MGAT4C: variants seen among roughly 807,000 people sequenced by gnomAD.
MGAT4C encodes MGAT4 family member C.
Under a neutral mutation model 40.1 loss-of-function variants are expected in MGAT4C, and 19 were observed. The ratio of observed to expected loss-of-function variants is 0.47; its 90% CI spans 0.33 to 0.70. The LOEUF (loss-of-function observed/expected upper bound fraction) is 0.70, where lower values mean the gene tolerates loss of function less well. MGAT4C is among the 30% of genes least tolerant of loss of function. The pLI is 0.02. For synonymous variants in MGAT4C, 181 were observed against 187.1 expected (o/e 0.97, Z 0.27); for missense variants, 491 against 563.2 (o/e 0.87, Z 1.30).
intron 1 of MGAT4C, among the ~76,000 whole-genome samples, chr12:86,764,790 C>T (rs1228689304): frequency 1.3e-5 from 2 of 152,178 alleles, no homozygotes; most frequent in African/African-American, 4.8e-5. Context: ...CTCCAACAGA[C>T]ATGCAGCTGA....
intron 4 of MGAT4C, among the ~76,000 whole-genome samples, chr12:86,289,961 G>A (rs540318107): frequency 2.4e-4 from 37 of 152,162 alleles, no homozygotes; most frequent in Admixed American, 2.4e-3. Context: ...TAGCATCCAT[G>A]CTTTCTTTTT....
rs545903184 is a variant in MGAT4C, at chr12:86,130,214, A to G, written c.-56-80491T>C. 7.2e-5 allele frequency among the ~76,000 whole-genome samples: 11 copies of G among 152,332 alleles called. No individual in the cohort carries two copies. The South Asian group carries it at 2.1e-3, about 29-fold the overall frequency. On this transcript the variant is annotated intron_variant, in intron 1 of 4. Coordinates refer to ENST00000611864, the MANE Select transcript of MGAT4C (RefSeq NM_001351288.2). Reference sequence around the variant, plus strand: ...AATATAAACATTTAAATTTAGTCTTATAAAAGATGCATTTCTTTGACAATG... The same window carrying G: ...AATATAAACATTTAAATTTAGTCTTGTAAAAGATGCATTTCTTTGACAATG...
intron 2 of MGAT4C, among the ~76,000 whole-genome samples, chr12:86,026,901 A>T (rs1171936540): frequency 6.6e-6 from 1 of 151,966 alleles, no homozygotes; most frequent in East Asian, 1.9e-4. Flanking sequence ...TAAAGTAGCA[A>T]CAGTGAAGCA....
chr12:86,191,509 C>T (rs966620603), intron 1 of MGAT4C, among the ~76,000 whole-genome samples: 1 of 151,520 alleles, frequency 6.6e-6, no homozygotes, highest in African/African-American at 2.4e-5. Flanking sequence ...TAGCTGATTG[C>T]TCCTAATTGT....
chr12:86,212,026 ACCT>A (rs1026732632), intron 1 of MGAT4C, among the ~76,000 whole-genome samples: 45 of 152,186 alleles, frequency 3.0e-4, no homozygotes, highest in African/African-American at 9.4e-4. Context: ...ATCTTATGCT[ACCT>A]CCTAACGTTT....
intron 1 of MGAT4C, among the ~76,000 whole-genome samples, chr12:86,059,509 T>C (rs1293836271): frequency 6.6e-6 from 1 of 152,228 alleles, no homozygotes. Flanking sequence ...TTTCTGCTGG[T>C]TGGAAACTGA....
intron 2 of MGAT4C, among the ~76,000 whole-genome samples, chr12:86,551,923 C>T (rs1592978296): frequency 6.6e-6 from 1 of 151,690 alleles, no homozygotes; most frequent in African/African-American, 2.4e-5. Context: ...ACACCAAGCT[C>T]CACCTATACA....
chr12:86,179,140 C>G (rs935679530), intron 1 of MGAT4C, among the ~76,000 whole-genome samples: 3 of 152,132 alleles, frequency 2.0e-5, no homozygotes, highest in African/African-American at 7.2e-5. Context: ...TTGTGCTATT[C>G]TAGTGATACT....
chr12:86,725,042 T>A (rs911917415), intron 2 of MGAT4C, among the ~76,000 whole-genome samples: 35 of 152,344 alleles, frequency 2.3e-4, no homozygotes, highest in Non-Finnish European at 1.3e-4. Flanking sequence ...ATAATCAGCA[T>A]CACCTGAATT....
chr12:86,410,228 C>A (rs188495441), intron 3 of MGAT4C, among the ~76,000 whole-genome samples: 1 of 152,138 alleles, frequency 6.6e-6, no homozygotes, highest in East Asian at 1.9e-4. Flanking sequence ...TCACATTTAC[C>A]AGGGCAGGAT....
chr12:86,295,871 A>C (rs1320207629), intron 4 of MGAT4C, among the ~76,000 whole-genome samples: 3 of 150,254 alleles, frequency 2.0e-5, no homozygotes, highest in Non-Finnish European at 3.0e-5. Context: ...TGATTGGTGC[A>C]TTCACAAACC....
At position 86,356,398 on chromosome 12, in the gene MGAT4C, T is replaced by G. The variant is rs1001249540; in HGVS notation, c.-119-22271A>C. ...TAGGAAGAACTCCAGTCTACAGCTC[T>G]CAGTGTGAGCAATGCAGAAGATGGG... On this transcript the variant is annotated intron_variant, in intron 3 of 7. Coordinates refer to the MGAT4C transcript ENST00000548651. Among the ~76,000 whole-genome samples the G allele has an allele frequency of 6.4e-4, 98 of 152,180 alleles. 1 individual carries two copies. Among genetic ancestry groups the G allele is most frequent in the African/African-American group, 2.0e-3 (84 of 41,440 alleles).
intron 2 of MGAT4C, among the ~76,000 whole-genome samples, chr12:86,619,622 C>A (rs957682501): frequency 6.6e-6 from 1 of 152,200 alleles, no homozygotes; most frequent in African/African-American, 2.4e-5. Context: ...TTTCATACTG[C>A]CTCACTCTGT....
intron 1 of MGAT4C, among the ~76,000 whole-genome samples, chr12:86,208,954 T>G (rs964139460): frequency 1.3e-5 from 2 of 152,162 alleles, no homozygotes; most frequent in Non-Finnish European, 2.9e-5. Flanking sequence ...ATGTCTTAGT[T>G]TCAAAAATGA....
intron 1 of MGAT4C, among the ~76,000 whole-genome samples, chr12:86,763,446 T>C (rs1053781783): frequency 6.6e-6 from 1 of 152,214 alleles, no homozygotes; most frequent in Non-Finnish European, 1.5e-5. Context: ...CATATTAATG[T>C]GTTTCACTGG....
rs566422511 is a variant in MGAT4C, at chr12:86,426,128, A to T, written c.-120+9029T>A. Reference sequence around the variant, plus strand: ...ATACAACTTATTTTGCAGTCATTCAAATAGGCAGTATATTATGGCATCTGC... The same window carrying T: ...ATACAACTTATTTTGCAGTCATTCATATAGGCAGTATATTATGGCATCTGC... On this transcript the variant is annotated intron_variant, in intron 3 of 7. Coordinates refer to the MGAT4C transcript ENST00000548651. Among the ~76,000 whole-genome samples, 4 of 152,316 alleles carry T rather than the reference A, an allele frequency of 2.6e-5. No individual in the cohort carries two copies. In the South Asian group the frequency reaches 8.3e-4, roughly 32 times the overall value.
chr12:86,044,991 C>T (rs1351398829), intron 2 of MGAT4C, among the ~76,000 whole-genome samples: 2 of 152,010 alleles, frequency 1.3e-5, no homozygotes, highest in African/African-American at 4.8e-5. Context: ...CACCCCTTCC[C>T]CAAGAGTTGT....
rs984733803 is a variant in MGAT4C, at chr12:85,965,300, G to C, written c.*13989C>G. 2 of 151,732 alleles carry C rather than the reference G, an allele frequency of 1.3e-5. No individual in the cohort carries two copies. The highest frequency in any genetic ancestry group is 4.8e-5 in the African/African-American group (2 of 41,298). The allele number at this position is 151,732 out of a possible 1,614,324, so 9.4% of individuals were successfully genotyped here. A position where few individuals can be genotyped will look rare whatever the true frequency, so the allele number is the denominator to read the frequency against. On this transcript the variant is annotated 3_prime_UTR_variant, in exon 5 of 5. Transcript: ENST00000611864. ...ACTATTATGAAAATCACGAACTTGG[G>C]AATAAGGACACTCTGGGCCCGGCGC...
rs1349119053 is a variant in MGAT4C at position 85,977,914 on chromosome 12, T to TTATAATAAATAAAATAAATA, written c.*1374_*1375insTATTTATTTTATTTATTATA. 2.6e-5 allele frequency: 4 copies of TTATAATAAATAAAATAAATA among 151,296 alleles called. No individual in the cohort carries two copies. In the East Asian group the frequency reaches 7.8e-4, roughly 29 times the overall value. 9.4% of individuals were successfully genotyped at this position (151,296 alleles called of 1,614,324 possible). On this transcript the variant is annotated 3_prime_UTR_variant, in exon 5 of 5. Transcript: ENST00000611864. ...CCATTTCCCTTTATAATAAATCCCT[T>TTATAATAAATAAAATAAATA]AGTTTTTGCTGTTCATTAAAAAACA...
Sources: allele counts gnomAD v4.1 joint callset (sites outside exome capture counted in the v4.1 genomes callset), GRCh38; gene constraint gnomAD v4.1.1; transcripts MANE v1.5; gene names NCBI Gene and HGNC (gene_info 2026-07-23, HGNC 2026-07-21).